PRR5: variants seen among roughly 807,000 people sequenced by gnomAD.
PRR5 encodes the protein proline rich 5, also known as proline-rich protein 5.
PRR5 carries 25 observed loss-of-function variants against 30.6 expected under a neutral mutation model. The ratio of observed to expected loss-of-function variants is 0.82; its 90% CI spans 0.60 to 1.14. The LOEUF (loss-of-function observed/expected upper bound fraction) is 1.14, where lower values mean the gene tolerates loss of function less well. Ranked by LOEUF, PRR5 falls within the 50% of genes most tolerant of loss-of-function variation. The probability of loss-of-function intolerance (pLI) is 0.00; values close to 1 mark genes in which losing one functional copy is unlikely to be tolerated. For synonymous variants in PRR5, 286 were observed against 247.1 expected (o/e 1.16, Z -1.48); for missense variants, 600 against 547.1 (o/e 1.10, Z -0.96).
chr22:44,736,635 T>G, intron 7 of PRR5, 137 bp from the exon 8 acceptor site: 1 of 1,410,724 alleles, frequency 7.1e-7, no homozygotes, highest in South Asian at 1.6e-5. Flanking sequence ...CGGTGGGACC[T>G]GCTGAGCCGG....
intron 1 of PRR5, among the ~76,000 whole-genome samples, chr22:44,669,261 T>C (rs1923284269): frequency 6.6e-6 from 1 of 151,982 alleles, no homozygotes; most frequent in Non-Finnish European, 1.5e-5. Flanking sequence ...CTCCCCCTAA[T>C]AGGGCAAACA....
Position 44,732,280 on chromosome 22 carries a change from C to A in PRR5, c.444C>A (p.Ala148=). 2.5e-6 allele frequency: 4 copies of A among 1,612,066 alleles called. No homozygotes were observed. The highest frequency in any genetic ancestry group is 3.4e-6 in the Non-Finnish European group (4 of 1,179,954). ...QGKEPSVRQL[A]LLHFRNAITL... ...AGGAGCCATCGGTGCGCCAGCTGGC[C>A]CTGCTGCACTTCCGGAATGCCATCA... Residue 148 remains alanine (A), a synonymous_variant, in exon 6 of 8, where the codon GCC becomes GCA. Coordinates refer to ENST00000336985, the MANE Select transcript of PRR5 (RefSeq NM_181333.4).
At chr22:44,716,172 G>A (rs537775834) in intron 2 of PRR5, among the ~76,000 whole-genome samples, 1 of 152,306 alleles carries the variant, frequency 6.6e-6, no homozygotes, top group Admixed American at 6.5e-5. Context: ...AGCTGCCCTG[G>A]GCCCCAGGCT....
At position 44,702,588 on chromosome 22, in the gene PRR5, C is replaced by T. The variant is rs1275016416; in HGVS notation, c.114C>T (p.Cys38=). The change falls in exon 1 of 8, where the codon TGC becomes TGT. Residue 38 remains cysteine (C), a synonymous_variant. Coordinates refer to ENST00000336985, the MANE Select transcript of PRR5 (RefSeq NM_181333.4). Reference sequence around the variant, plus strand: ...GGGGCACGCAGCAGCGCCGGGCCTGCGCCAACGCCACCTGGAACAGGTAAG... The same window carrying T: ...GGGGCACGCAGCAGCGCCGGGCCTGTGCCAACGCCACCTGGAACAGGTAAG... ...DERGTQQRRA[C]ANATWNSIHN... 4 of 1,378,666 alleles carry T rather than the reference C, an allele frequency of 2.9e-6. No individual in the cohort carries two copies. The highest frequency in any genetic ancestry group is 3.7e-5 in the Admixed American group (1 of 27,174). The allele number at this position is 1,378,666 out of a possible 1,614,324, so 85.4% of individuals were successfully genotyped here.
At position 44,735,146 on chromosome 22, in the gene PRR5, C is replaced by T; in HGVS notation, c.675C>T (p.Thr225=). The T allele has an allele frequency of 1.2e-6, 2 of 1,612,914 alleles. No individual in the cohort carries two copies. Among genetic ancestry groups the T allele is most frequent in the Non-Finnish European group, 1.7e-6 (2 of 1,179,836 alleles). The change falls in exon 7 of 8, where the codon ACC becomes ACT. Residue 225 remains threonine, a synonymous_variant. Coordinates refer to ENST00000336985, the MANE Select transcript of PRR5 (RefSeq NM_181333.4). ...YGLHSSEGPF[T]HSCILEKRLL... is the part of the protein sequence containing the mutation. ...TCCACTCCAGCGAGGGGCCCTTCAC[C>T]CATTCCTGCATCCTGGGTAGGGGTC...
At chr22:44,692,505 T>C (rs1925364015) in intron 1 of PRR5, among the ~76,000 whole-genome samples, 1 of 117,946 alleles carries the variant, frequency 8.5e-6, no homozygotes, top group Admixed American at 8.5e-5. Context: ...CTCCTCCACC[T>C]GGCACTCCTC....
At position 44,691,213 on chromosome 22, in the gene PRR5, A is replaced by T. The variant is rs752136366; in HGVS notation, c.-10-11279A>T. ...GAAGATCTGGGCTGCTTCCGGGAGG[A>T]TTTGGGTAGAGAAAACCGGGGTCTG... On this transcript the variant is annotated intron_variant, in intron 1 of 8. Coordinates refer to the PRR5 transcript ENST00000006251. The surrounding 1 kb of genome is among the most constrained non-coding windows in gnomAD (Gnocchi z 4.4). Among the ~76,000 whole-genome samples the T allele has an allele frequency of 6.6e-6, 1 of 151,894 alleles. No individual in the cohort carries two copies. The highest frequency in any genetic ancestry group is 6.6e-5 in the Admixed American group (1 of 15,264).
intron 1 of PRR5, among the ~76,000 whole-genome samples, chr22:44,713,073 C>T (rs542631515): frequency 2.6e-5 from 4 of 152,288 alleles, no homozygotes; most frequent in Non-Finnish European, 2.9e-5. Flanking sequence ...GAGGGTCCTG[C>T]AGTCTCTGGG....
chr22:44,678,373 A>G (rs1304854480), intron 1 of PRR5, among the ~76,000 whole-genome samples: 1 of 131,082 alleles, frequency 7.6e-6, no homozygotes, highest in Admixed American at 9.1e-5. Flanking sequence ...TTCAGGCTGG[A>G]GTGCGATGGC....
At chr22:44,728,914 C>T (rs1054231318) in intron 4 of PRR5, among the ~76,000 whole-genome samples, 1 of 152,124 alleles carries the variant, frequency 6.6e-6, no homozygotes, top group African/African-American at 2.4e-5. Flanking sequence ...GGAGGAGTGG[C>T]CTTGAGGTGG....
Position 44,708,186 on chromosome 22 carries a change from C to G in PRR5, c.134+5578C>G, listed in dbSNP as rs147104740. ...CTGCACTCCAGCCTAGGTGACAGAG[C>G]GAGACTCCAACTCAAAAAACAACAA... On this transcript the variant is annotated intron_variant, in intron 1 of 7. Coordinates refer to ENST00000336985, the MANE Select transcript of PRR5 (RefSeq NM_181333.4). 4.5e-3 allele frequency among the ~76,000 whole-genome samples: 687 copies of G among 152,090 alleles called. 4 individuals carry two copies. The highest frequency in any genetic ancestry group is 0.016 in the African/African-American group (650 of 41,492).
At chr22:44,721,748 C>T (rs967826132) in intron 2 of PRR5, among the ~76,000 whole-genome samples, 9 of 152,152 alleles carry the variant, frequency 5.9e-5, no homozygotes, top group Non-Finnish European at 1.3e-4. Context: ...GACAAGGGTG[C>T]CGAGGCCCAG....
At chr22:44,728,285 A>G (rs950425627) in intron 4 of PRR5, among the ~76,000 whole-genome samples, 2 of 152,222 alleles carry the variant, frequency 1.3e-5, no homozygotes, top group Admixed American at 1.3e-4. Context: ...ATGTAGCTGC[A>G]GACACAGGGT....
At chr22:44,735,191 G>A in intron 7 of PRR5, 29 bp downstream of exon 7, 1 of 1,603,134 alleles carries the variant, frequency 6.2e-7, no homozygotes, top group Non-Finnish European at 8.5e-7. Flanking sequence ...CTTGGGCTGG[G>A]GCAGGGGTGA....
chr22:44,683,297 A>C (rs891519275), intron 1 of PRR5, among the ~76,000 whole-genome samples: 1 of 152,166 alleles, frequency 6.6e-6, no homozygotes, highest in Admixed American at 6.5e-5. Context: ...GGGAAATCCA[A>C]GTGGGCCAAG....
intron 6 of PRR5, among the ~76,000 whole-genome samples, chr22:44,732,874 CTG>C (rs1307574570): frequency 6.7e-6 from 1 of 149,380 alleles, no homozygotes; most frequent in East Asian, 2.0e-4. Context: ...ATACTACACA[CTG>C]CACACACACA....
At chr22:44,697,701 G>A (rs1925883866), upstream of PRR5, among the ~76,000 whole-genome samples, 1 of 152,214 alleles carries the variant, frequency 6.6e-6, no homozygotes, top group Non-Finnish European at 1.5e-5. Flanking sequence ...GCGAGATGGA[G>A]GCTGTCTCTC....
chr22:44,713,952 C>T (rs1367399551), intron 1 of PRR5, among the ~76,000 whole-genome samples: 4 of 152,192 alleles, frequency 2.6e-5, no homozygotes, highest in South Asian at 2.1e-4. Flanking sequence ...TACAGGCGCC[C>T]GCCATCGCGC....
chr22:44,706,622 A>G (rs1017263334), intron 1 of PRR5, among the ~76,000 whole-genome samples: 2 of 152,102 alleles, frequency 1.3e-5, no homozygotes, highest in Admixed American at 1.3e-4. Flanking sequence ...TTGACTTCCC[A>G]GGCTCCAGCG....
Sources: gnomAD v4.1 joint callset for allele counts (sites outside exome capture counted in the v4.1 genomes callset) on GRCh38, gnomAD v4.1.1 for gene constraint, Gnocchi (gnomAD v3.1) non-coding constraint, MANE v1.5 for transcripts, NCBI Gene and HGNC (gene_info 2026-07-23, HGNC 2026-07-21) for gene names.